EMCN: variants seen among roughly 807,000 people sequenced by gnomAD.
EMCN encodes the protein endomucin, also known as MUC-14.
In EMCN, 37 loss-of-function variants were observed where a neutral mutation model predicts 38.4. That is an observed-to-expected ratio of 0.96 (90% confidence interval 0.74 to 1.27). EMCN has a LOEUF of 1.27. Among genes scored for constraint, EMCN ranks in the 50% most tolerant of loss-of-function variants. The pLI is 0.00. For missense variants in EMCN, 318 were observed against 302.8 expected, an observed-to-expected ratio of 1.05 and a Z score of -0.37; for synonymous variants, 95 against 100.8, an observed-to-expected ratio of 0.94 and a Z score of 0.35.
chr4:100,400,648 T>C (rs1726232721), intron 11 of EMCN, among the ~76,000 whole-genome samples: 5 of 151,964 alleles, frequency 3.3e-5, no homozygotes, highest in Admixed American at 2.6e-4. Flanking sequence ...CATAGATGAG[T>C]TTTCAAGTGA....
intron 5 of EMCN, among the ~76,000 whole-genome samples, chr4:100,424,438 A>G (rs925126988): frequency 2.0e-5 from 3 of 152,078 alleles, no homozygotes; most frequent in Admixed American, 2.0e-4. Context: ...ACTTCTTATG[A>G]TTATGGCTCC....
chr4:100,512,486 T>C (rs1729650712), intron 1 of EMCN, among the ~76,000 whole-genome samples: 1 of 152,136 alleles, frequency 6.6e-6, no homozygotes, highest in Admixed American at 6.5e-5. Context: ...AAGGATTCAG[T>C]ACACAGGAAT....
chr4:100,430,709 G>C (rs898620377), intron 5 of EMCN, among the ~76,000 whole-genome samples: 1 of 152,052 alleles, frequency 6.6e-6, no homozygotes, highest in South Asian at 2.1e-4. Flanking sequence ...TTTGAGATTC[G>C]GTAGATCCCT....
chr4:100,507,579 C>T (rs1729517053), intron 1 of EMCN, among the ~76,000 whole-genome samples: 1 of 152,050 alleles, frequency 6.6e-6, no homozygotes, highest in South Asian at 2.1e-4. Flanking sequence ...TGGGTACTGG[C>T]CTTGTAAGAG....
chr4:100,435,357 T>C (rs2110231269), intron 5 of EMCN, among the ~76,000 whole-genome samples: 1 of 152,244 alleles, frequency 6.6e-6, no homozygotes, highest in East Asian at 1.9e-4. Context: ...CACAAACCAC[T>C]GCTCAAGGAA....
intron 11 of EMCN, among the ~76,000 whole-genome samples, chr4:100,405,280 T>C (rs1726363552): frequency 6.6e-6 from 1 of 152,102 alleles, no homozygotes; most frequent in African/African-American, 2.4e-5. Flanking sequence ...TGGGCATCCA[T>C]GTTTTGTTAC....
At chr4:100,517,090 A>C (rs2110316763) in intron 1 of EMCN, among the ~76,000 whole-genome samples, 1 of 152,174 alleles carries the variant, frequency 6.6e-6, no homozygotes. Context: ...TTAACAGTTT[A>C]TTTTCAATCA....
intron 5 of EMCN, among the ~76,000 whole-genome samples, chr4:100,444,687 C>T (rs975498819): frequency 5.9e-5 from 9 of 151,982 alleles, no homozygotes; most frequent in African/African-American, 1.7e-4. Context: ...TGGCTTGTTG[C>T]AGTGGTAACA....
chr4:100,410,639 A>G (rs1191007687), intron 10 of EMCN, among the ~76,000 whole-genome samples: 1 of 152,152 alleles, frequency 6.6e-6, no homozygotes, highest in Admixed American at 6.6e-5. Flanking sequence ...AGATGATAAC[A>G]TTAGAGAAAC....
intron 3 of EMCN, among the ~76,000 whole-genome samples, chr4:100,472,734 G>A (rs1377269271): frequency 6.6e-6 from 1 of 151,890 alleles, no homozygotes; most frequent in Non-Finnish European, 1.5e-5. Flanking sequence ...AACTTAATAC[G>A]AAGTAATAGT....
rs869169290 is a variant in EMCN at position 100,475,659 on chromosome 4, C to CTTTT, written c.188-554_188-551dup. On this transcript the variant is annotated intron_variant, in intron 2 of 11. Coordinates refer to ENST00000296420, the MANE Select transcript of EMCN (RefSeq NM_016242.4). ...TTGAGGGCAGTATCCAATTCTAGTC[C>CTTTT]TTTTTTTTTTTTTTTTTTTTTTTTT... Among the ~76,000 whole-genome samples, 80 of 60,302 alleles carry CTTTT rather than the reference C, an allele frequency of 1.3e-3. 7 individuals carry two copies. Among genetic ancestry groups the CTTTT allele is most frequent in the African/African-American group, 6.0e-3 (71 of 11,862 alleles). The allele number at this position is 60,302 out of a possible 152,430, so 39.6% of individuals were successfully genotyped here.
At chr4:100,398,634 C>A (rs1726174743) in intron 11 of EMCN, among the ~76,000 whole-genome samples, 1 of 152,114 alleles carries the variant, frequency 6.6e-6, no homozygotes, top group South Asian at 2.1e-4. Context: ...CTCCATGATG[C>A]ATTCAGGCAC....
At chr4:100,491,625 A>G (rs1729082503) in intron 1 of EMCN, among the ~76,000 whole-genome samples, 1 of 152,068 alleles carries the variant, frequency 6.6e-6, no homozygotes, top group Non-Finnish European at 1.5e-5. Context: ...ACCCTGTCCA[A>G]CTCTTAAAAT....
intron 5 of EMCN, among the ~76,000 whole-genome samples, chr4:100,433,747 G>T (rs1335529060): frequency 6.6e-6 from 1 of 151,940 alleles, no homozygotes; most frequent in Non-Finnish European, 1.5e-5. Context: ...TGTTGGCCAG[G>T]CTGGTCTCAA....
intron 1 of EMCN, among the ~76,000 whole-genome samples, chr4:100,498,366 C>G (rs1190848257): frequency 6.6e-6 from 1 of 152,036 alleles, no homozygotes; most frequent in African/African-American, 2.4e-5. Flanking sequence ...AAATCTAGTT[C>G]ATGAACAAAG....
At chr4:100,451,688 C>G (rs1374490941) in intron 4 of EMCN, among the ~76,000 whole-genome samples, 3 of 151,930 alleles carry the variant, frequency 2.0e-5, no homozygotes. Context: ...GCAAGAAAAA[C>G]AGGGTTTTAA....
At chr4:100,475,826 C>A (rs889550451) in intron 2 of EMCN, among the ~76,000 whole-genome samples, 1 of 151,632 alleles carries the variant, frequency 6.6e-6, no homozygotes, top group Non-Finnish European at 1.5e-5. Context: ...TACAGGCGCC[C>A]GCCACCACGC....
intron 1 of EMCN, among the ~76,000 whole-genome samples, chr4:100,489,945 T>TA (rs1729035278): frequency 6.6e-6 from 1 of 152,082 alleles, no homozygotes; most frequent in Non-Finnish European, 1.5e-5. Context: ...TCTATTTATT[T>TA]AAAAAAAGAT....
intron 5 of EMCN, among the ~76,000 whole-genome samples, chr4:100,438,694 T>C (rs1727424134): frequency 6.6e-6 from 1 of 152,068 alleles, no homozygotes; most frequent in African/African-American, 2.4e-5. Context: ...CTTTTCCCCA[T>C]TGATTATAAT....
Sources: gnomAD v4.1 joint callset for allele counts (sites outside exome capture counted in the v4.1 genomes callset) on GRCh38, gnomAD v4.1.1 for gene constraint, MANE v1.5 for transcripts, NCBI Gene and HGNC (gene_info 2026-07-23, HGNC 2026-07-21) for gene names.